The following TIMD4 variants were observed in gnomAD, a reference collection of about 807,000 sequenced individuals.
TIMD4 encodes the protein T-cell immunoglobulin and mucin domain-containing protein 4.
TIMD4 carries 31 observed loss-of-function variants against 41.2 expected under a neutral mutation model. The ratio of observed to expected loss-of-function variants is 0.75; its 90% CI spans 0.57 to 1.01. TIMD4 has a LOEUF of 1.01. TIMD4 is among the 50% of genes least tolerant of loss of function. The pLI is 0.00. For missense variants in TIMD4, 479 were observed against 472.5 expected (o/e 1.01, Z -0.13); for synonymous variants, 204 against 177.1 (o/e 1.15, Z -1.21).
chr5:156,962,150 G>A (rs1753075982), intron 1 of TIMD4, among the ~76,000 whole-genome samples: 1 of 152,020 alleles, frequency 6.6e-6, no homozygotes, highest in African/African-American at 2.4e-5. Flanking sequence ...TGAGGAAAAA[G>A]GGAAAAAATA....
chr5:156,926,403 A>G (rs1759348692), intron 5 of TIMD4, 91 bp from the exon 6 acceptor site: 1 of 1,261,908 alleles, frequency 7.9e-7, no homozygotes, highest in Non-Finnish European at 1.1e-6. Context: ...TCCATCTGGA[A>G]CTGCAGCTGA....
intron 1 of TIMD4, among the ~76,000 whole-genome samples, chr5:156,957,520 A>AAAAAAAG (rs1191482853): frequency 6.7e-6 from 1 of 149,312 alleles, no homozygotes; most frequent in Non-Finnish European, 1.5e-5. Context: ...CTCAAAAAAA[A>AAAAAAAG]AAAAGAAAAA....
At chr5:156,956,130 C>G (rs1759965674) in intron 1 of TIMD4, among the ~76,000 whole-genome samples, 1 of 152,062 alleles carries the variant, frequency 6.6e-6, no homozygotes, top group Non-Finnish European at 1.5e-5. Context: ...CTTTCACTAT[C>G]CCACCCACTC....
Position 156,932,733 on chromosome 5 carries a change from G to A in TIMD4, c.845-6421C>T, listed in dbSNP as rs557289936. On this transcript the variant is annotated intron_variant, in intron 5 of 8. Transcript: ENST00000274532. The stretch of plus-strand genomic sequence containing the variant: ...AAAGAAAACGGTTTAAGGGCTGAAT[G>A]CAGTGACTCACGCCTGTAATCCCAG... Among the ~76,000 whole-genome samples, 3 of 152,344 alleles carry A rather than the reference G, an allele frequency of 2.0e-5. No individual in the cohort carries two copies. The East Asian group carries it at 5.8e-4, about 29-fold the overall frequency.
At chr5:156,930,205 G>C (rs1490399717) in intron 5 of TIMD4, among the ~76,000 whole-genome samples, 1 of 152,042 alleles carries the variant, frequency 6.6e-6, no homozygotes, top group African/African-American at 2.4e-5. Context: ...CAAGTGATAC[G>C]CACGCCTCAG....
chr5:156,928,060 C>T (rs999531357), intron 5 of TIMD4, among the ~76,000 whole-genome samples: 6 of 152,294 alleles, frequency 3.9e-5, no homozygotes, highest in African/African-American at 1.4e-4. Flanking sequence ...AATCCCAGCA[C>T]TTTGGGAGGC....
intron 5 of TIMD4, among the ~76,000 whole-genome samples, chr5:156,941,566 C>G (rs988417430): frequency 4.6e-5 from 7 of 152,172 alleles, no homozygotes; most frequent in Non-Finnish European, 1.0e-4. Context: ...CCTTGAAGAA[C>G]CAATTCAAAG....
chr5:156,944,438 T>G (rs2113372708), intron 5 of TIMD4, among the ~76,000 whole-genome samples: 1 of 151,958 alleles, frequency 6.6e-6, no homozygotes, highest in South Asian at 2.1e-4. Flanking sequence ...AGACACAGTT[T>G]AAAATCTCTA....
At chr5:156,926,541 G>A (rs1365206042) in intron 5 of TIMD4, among the ~76,000 whole-genome samples, 1 of 152,222 alleles carries the variant, frequency 6.6e-6, no homozygotes, top group Non-Finnish European at 1.5e-5. Flanking sequence ...TTTTACAGAT[G>A]AGTAGAGTCA....
rs974193805 is a variant in TIMD4, at chr5:156,919,542, C to T, written c.1053-1G>A. On this transcript the variant is annotated splice_acceptor_variant, in intron 8 of 8. Transcript: ENST00000274532. LOFTEE classifies it high-confidence loss of function. Reference sequence around the variant, plus strand: ...TTTACTATCTCCAATGTAGTCTAGCCTGTAAACAGAAAAGAGGGGCTCATA... The same window carrying T: ...TTTACTATCTCCAATGTAGTCTAGCTTGTAAACAGAAAAGAGGGGCTCATA... 1 of 1,613,122 alleles carries T rather than the reference C, an allele frequency of 6.2e-7. No individual in the cohort carries two copies. The highest frequency in any genetic ancestry group is 8.5e-7 in the Non-Finnish European group (1 of 1,179,436).
Position 156,930,155 on chromosome 5 carries a change from T to G in TIMD4, c.845-3843A>C, listed in dbSNP as rs199610186. On this transcript the variant is annotated intron_variant, in intron 5 of 8. Transcript: ENST00000274532. ...TTTTGTATTTTTAGTAGAGACAGGG[T>G]CTTGCTATGTTGCCCAGACCAGTCT... is the stretch of plus-strand genomic sequence containing the variant. 3.3e-5 allele frequency among the ~76,000 whole-genome samples: 5 copies of G among 152,130 alleles called. No individual in the cohort carries two copies. In the East Asian group the frequency reaches 9.7e-4, roughly 29 times the overall value.
chr5:156,928,772 A>G (rs1468646916), intron 5 of TIMD4, among the ~76,000 whole-genome samples: 1 of 152,188 alleles, frequency 6.6e-6, no homozygotes, highest in Admixed American at 6.5e-5. Flanking sequence ...TCCTAGAACT[A>G]AGTTATTGTT....
chr5:156,928,290 C>T (rs959520357), intron 5 of TIMD4, among the ~76,000 whole-genome samples: 2 of 140,832 alleles, frequency 1.4e-5, no homozygotes, highest in South Asian at 2.2e-4. Flanking sequence ...GAGAGAGACT[C>T]CATCTAAAAA....
chr5:156,920,403 G>C (rs1304321901), intron 8 of TIMD4, 61 bp downstream of exon 8: 2 of 1,545,740 alleles, frequency 1.3e-6, no homozygotes, highest in African/African-American at 2.7e-5. Context: ...CTGAGTAGTA[G>C]CTAATCATTT....
At position 156,951,739 on chromosome 5, in the gene TIMD4, G is replaced by C. The variant is rs2113384833; in HGVS notation, c.452C>G (p.Thr151Arg). 1.9e-6 allele frequency: 3 copies of C among 1,614,146 alleles called. No homozygotes were observed. Among genetic ancestry groups the C allele is most frequent in the Non-Finnish European group, 2.5e-6 (3 of 1,180,024 alleles). The change falls in exon 3 of 9, where the codon ACA (threonine) becomes AGA (arginine). Residue 151 changes from threonine to arginine, a missense_variant. Thr to Arg is a moderately conservative substitution (Grantham distance 71, BLOSUM62 -1). Coordinates refer to ENST00000274532, the MANE Select transcript of TIMD4 (RefSeq NM_138379.3). ...TATTTTRRTT[T>R]TSPTTTRQMT... ...TTGTCGGGTGGTGGTGGGGCTTGTT[G>C]TTGTTGTTCTGCGTGTGGTGGTGGT...
chr5:156,953,653 C>CAAAAAAAAAAAA (rs35165963), intron 2 of TIMD4, among the ~76,000 whole-genome samples: 1 of 58,492 alleles, frequency 1.7e-5, no homozygotes, highest in African/African-American at 6.3e-5. Context: ...AAACTCTGTC[C>CAAAAAAAAAAAA]AAAAAAAAAA....
At chr5:156,932,435 C>G (rs1253483981) in intron 5 of TIMD4, among the ~76,000 whole-genome samples, 1 of 152,174 alleles carries the variant, frequency 6.6e-6, no homozygotes, top group Non-Finnish European at 1.5e-5. Flanking sequence ...TCTAAAAGTA[C>G]TGACATGGAA....
intron 5 of TIMD4, 55 bp downstream of exon 5, chr5:156,948,358 AAAT>A (rs1554083667): frequency 2.8e-5 from 29 of 1,046,084 alleles, no homozygotes; most frequent in Non-Finnish European, 3.3e-5. Context: ...TGTCTAAAAA[AAAT>A]AATAATAATA....
chr5:156,920,320 AC>A, intron 8 of TIMD4, 143 bp downstream of exon 8: 1 of 928,434 alleles, frequency 1.1e-6, no homozygotes, highest in Non-Finnish European at 1.7e-6. Context: ...AATCTGCACA[AC>A]TTTTTCACTT....
Sources: gnomAD v4.1 joint callset for allele counts (sites outside exome capture counted in the v4.1 genomes callset) on GRCh38, gnomAD v4.1.1 for gene constraint, MANE v1.5 for transcripts, NCBI Gene and HGNC (gene_info 2026-07-23, HGNC 2026-07-21) for gene names.